ARHGEF28: variants seen among roughly 807,000 people sequenced by gnomAD.
ARHGEF28 encodes the protein 190 kDa guanine nucleotide exchange factor.
Under a neutral mutation model 206.6 loss-of-function variants are expected in ARHGEF28, and 152 were observed. The observed-to-expected ratio is 0.74, with a 90% confidence interval of 0.64 to 0.84. The LOEUF is 0.84. Ranked by LOEUF, ARHGEF28 falls within the 40% of genes least tolerant of loss-of-function variation. The probability of loss-of-function intolerance (pLI) is 0.00; values close to 1 mark genes in which losing one functional copy is unlikely to be tolerated. For synonymous variants in ARHGEF28, 763 were observed against 776.4 expected, an observed-to-expected ratio of 0.98 and a Z score of 0.29; for missense variants, 2,028 against 2,073.2, an observed-to-expected ratio of 0.98 and a Z score of 0.42.
At chr5:73,798,656 C>T (rs1370680577) in intron 9 of ARHGEF28, among the ~76,000 whole-genome samples, 1 of 151,740 alleles carries the variant, frequency 6.6e-6, no homozygotes, top group Non-Finnish European at 1.5e-5. Context: ...ATATTCTAGG[C>T]AGGTAGGATG....
At chr5:73,819,705 C>G (rs1006634309) in intron 9 of ARHGEF28, among the ~76,000 whole-genome samples, 1 of 152,188 alleles carries the variant, frequency 6.6e-6, no homozygotes, top group African/African-American at 2.4e-5. Flanking sequence ...GTTCCTGCCT[C>G]TCAAGGCTTG....
chr5:73,748,642 A>G (rs915223816), intron 2 of ARHGEF28, among the ~76,000 whole-genome samples: 1 of 152,130 alleles, frequency 6.6e-6, no homozygotes, highest in Non-Finnish European at 1.5e-5. Context: ...TAGGGTAAGG[A>G]TATCTTGGCG....
At chr5:73,940,480 G>A (rs532645889) in intron 35 of ARHGEF28, among the ~76,000 whole-genome samples, 2 of 152,268 alleles carry the variant, frequency 1.3e-5, no homozygotes, top group South Asian at 2.1e-4. Context: ...GAGGGAAGGT[G>A]CTCTGCAGAT....
chr5:73,666,991 C>A (rs1365248068), intron 1 of ARHGEF28, among the ~76,000 whole-genome samples: 6 of 151,078 alleles, frequency 4.0e-5, no homozygotes, highest in African/African-American at 1.5e-4. Context: ...GCACAGAAAC[C>A]CTTACTGTGC....
chr5:73,839,951 A>G (rs568869487), intron 10 of ARHGEF28, among the ~76,000 whole-genome samples: 10 of 152,118 alleles, frequency 6.6e-5, no homozygotes, highest in Non-Finnish European at 4.4e-5. Context: ...TTTCTCCTCA[A>G]GTATTTAAAA....
intron 35 of ARHGEF28, among the ~76,000 whole-genome samples, chr5:73,937,955 T>C (rs970362414): frequency 6.6e-6 from 1 of 152,234 alleles, no homozygotes; most frequent in East Asian, 1.9e-4. Context: ...GCCTACATAG[T>C]TCAGGTAGAA....
intron 9 of ARHGEF28, among the ~76,000 whole-genome samples, chr5:73,807,137 T>G (rs1755561231): frequency 6.6e-6 from 1 of 151,718 alleles, no homozygotes; most frequent in Non-Finnish European, 1.5e-5. Context: ...GAGGGATTTC[T>G]TTCTCCTTAG....
chr5:73,833,425 T>G (rs1298680804), intron 10 of ARHGEF28, among the ~76,000 whole-genome samples: 1 of 152,226 alleles, frequency 6.6e-6, no homozygotes, highest in Non-Finnish European at 1.5e-5. Flanking sequence ...CCTTTTGTGT[T>G]ACAAAGCACT....
At chr5:73,689,744 G>A (rs185226391) in intron 2 of ARHGEF28, among the ~76,000 whole-genome samples, 238 of 151,476 alleles carry the variant, frequency 1.6e-3, no homozygotes, top group African/African-American at 5.5e-3. Context: ...GCACTGGAAG[G>A]CTAGTCTGTT....
At chr5:73,820,387 G>A (rs140225861) in intron 9 of ARHGEF28, among the ~76,000 whole-genome samples, 1 of 152,192 alleles carries the variant, frequency 6.6e-6, no homozygotes, top group African/African-American at 2.4e-5. Flanking sequence ...GAGGTTAATG[G>A]GGGGTGGAGG....
At chr5:73,783,869 A>G (rs1477599453) in intron 7 of ARHGEF28, among the ~76,000 whole-genome samples, 2 of 152,216 alleles carry the variant, frequency 1.3e-5, no homozygotes, top group African/African-American at 4.8e-5. Flanking sequence ...GAAATTAACC[A>G]ATAAGCACAA....
chr5:73,716,943 A>G (rs1242489872), intron 2 of ARHGEF28, among the ~76,000 whole-genome samples: 2 of 151,926 alleles, frequency 1.3e-5, no homozygotes, highest in Non-Finnish European at 2.9e-5. Context: ...TGGAATTTCT[A>G]CTGGTTTCCC....
At chr5:73,938,642 A>G (rs906772529) in intron 35 of ARHGEF28, among the ~76,000 whole-genome samples, 7 of 152,182 alleles carry the variant, frequency 4.6e-5, no homozygotes, top group African/African-American at 1.4e-4. Flanking sequence ...TTGAAGTTGT[A>G]TAAAATTAAA....
At chr5:73,774,182 C>G (rs1753408980) in intron 5 of ARHGEF28, 144 bp downstream of exon 5, 1 of 658,064 alleles carries the variant, frequency 1.5e-6, no homozygotes, top group East Asian at 3.1e-5. Context: ...ATCATATAAA[C>G]AGATATACTG....
chr5:73,806,206 T>C (rs1755424820), intron 9 of ARHGEF28, among the ~76,000 whole-genome samples: 2 of 146,392 alleles, frequency 1.4e-5, no homozygotes, highest in South Asian at 4.3e-4. Context: ...TATATCGATA[T>C]GTACTATATA....
At chr5:73,846,645 GT>G (rs1310701708) in intron 12 of ARHGEF28, among the ~76,000 whole-genome samples, 170 bp downstream of exon 12, 9 of 151,976 alleles carry the variant, frequency 5.9e-5, no homozygotes, top group Non-Finnish European at 1.2e-4. Context: ...TTCCCACTCT[GT>G]TTTAATTTTT....
chr5:73,867,800 T>C, intron 18 of ARHGEF28, 76 bp from the exon 19 acceptor site: 1 of 1,588,442 alleles, frequency 6.3e-7, no homozygotes, highest in Non-Finnish European at 8.6e-7. Flanking sequence ...GGTTTAGCTT[T>C]CTGGCTTTTA....
chr5:73,627,228 C>T (rs1489311352), intron 1 of ARHGEF28: 1 of 152,240 alleles, frequency 6.6e-6, no homozygotes, highest in Non-Finnish European at 1.5e-5. Flanking sequence ...CACACATCTC[C>T]TCACACCAGG....
Position 73,892,258 on chromosome 5 carries a change from T to C in ARHGEF28, c.3566+28T>C, listed in dbSNP as rs906598847. ...AACATTTCCTTCCGTCCATAATCTA[T>C]GGAACAGAGTTGTTCAACTGGGGAA... On this transcript the variant is annotated intron_variant, in intron 27 of 35. Coordinates refer to ENST00000513042, the MANE Select transcript of ARHGEF28 (RefSeq NM_001177693.2). 2.5e-5 allele frequency: 39 copies of C among 1,538,482 alleles called. No individual in the cohort carries two copies. In the Admixed American group the frequency reaches 5.3e-4, roughly 21 times the overall value.
Sources: allele counts gnomAD v4.1 joint callset (sites outside exome capture counted in the v4.1 genomes callset), GRCh38; gene constraint gnomAD v4.1.1; transcripts MANE v1.5; gene names NCBI Gene and HGNC (gene_info 2026-07-23, HGNC 2026-07-21).